Variants in WDR7 observed in about 807,000 individuals in gnomAD.
WDR7 encodes the protein WD repeat-containing protein 7.
In WDR7, 46 loss-of-function variants were observed where a neutral mutation model predicts 169.4. That is an observed-to-expected ratio of 0.27 (90% confidence interval 0.21 to 0.35). The LOEUF is 0.35. Among genes scored for constraint, WDR7 ranks in the 10% least tolerant of loss-of-function variants. WDR7 has a pLI of 1.00. For synonymous variants in WDR7, 612 were observed against 666.8 expected, an observed-to-expected ratio of 0.92 and a Z score of 1.27; for missense variants, 1,534 against 1,859.3, an observed-to-expected ratio of 0.83 and a Z score of 3.22.
At chr18:56,786,241 A>C (rs1405121221) in intron 19 of WDR7, among the ~76,000 whole-genome samples, 1 of 152,154 alleles carries the variant, frequency 6.6e-6, no homozygotes, top group African/African-American at 2.4e-5. Context: ...TTATAAGAAT[A>C]AAGTCCTTAC....
At chr18:56,984,847 C>T (rs368817727) in intron 26 of WDR7, among the ~76,000 whole-genome samples, 1 of 152,082 alleles carries the variant, frequency 6.6e-6, no homozygotes, top group African/African-American at 2.4e-5. Flanking sequence ...GCAGCCATAG[C>T]GTACTGTGGG....
chr18:56,655,993 G>A (rs1407039130), intron 1 of WDR7, among the ~76,000 whole-genome samples: 1 of 152,186 alleles, frequency 6.6e-6, no homozygotes, highest in Non-Finnish European at 1.5e-5. Flanking sequence ...CCATTCACCT[G>A]CATATCTGGG....
chr18:56,664,361 G>A (rs1039094281), intron 1 of WDR7, among the ~76,000 whole-genome samples: 4 of 152,162 alleles, frequency 2.6e-5, no homozygotes, highest in Admixed American at 6.5e-5. Flanking sequence ...GAGGGAGAGA[G>A]ATTGTTAGGG....
chr18:56,654,955 A>G (rs949426800), intron 1 of WDR7, among the ~76,000 whole-genome samples: 5 of 152,170 alleles, frequency 3.3e-5, no homozygotes, highest in African/African-American at 9.7e-5. Context: ...TTAAGTGCTC[A>G]TATATACTCT....
At chr18:56,817,182 T>C (rs1490821658) in intron 20 of WDR7, among the ~76,000 whole-genome samples, 3 of 151,854 alleles carry the variant, frequency 2.0e-5, no homozygotes, top group Middle Eastern at 6.8e-3. Context: ...CCGTCTCTAC[T>C]AAAAATACAA....
chr18:56,695,267 GT>G (rs1568142207), intron 11 of WDR7, 69 bp downstream of exon 11: 2 of 1,543,436 alleles, frequency 1.3e-6, no homozygotes, highest in Non-Finnish European at 1.7e-6. Flanking sequence ...AAATGTCTCT[GT>G]TTTTTGTTTT....
intron 26 of WDR7, among the ~76,000 whole-genome samples, chr18:56,968,358 AAAAC>A (rs1273998645): frequency 6.6e-6 from 1 of 152,182 alleles, no homozygotes; most frequent in Non-Finnish European, 1.5e-5. Context: ...ATGGTAAACC[AAAAC>A]AAACTGTGCT....
At chr18:56,745,568 A>G (rs114149387) in intron 14 of WDR7, among the ~76,000 whole-genome samples, 5,312 of 152,168 alleles carry the variant, frequency 0.035, 320 homozygotes, top group African/African-American at 0.12. Flanking sequence ...AGCTAATGCC[A>G]CTGCTGATAT....
chr18:56,909,474 T>G (rs2046524343), intron 21 of WDR7, among the ~76,000 whole-genome samples: 1 of 152,186 alleles, frequency 6.6e-6, no homozygotes, highest in Non-Finnish European at 1.5e-5. Context: ...GACATGAAAT[T>G]ATTATAGAAA....
At chr18:56,773,974 T>C (rs1286204624) in intron 16 of WDR7, among the ~76,000 whole-genome samples, 1 of 150,718 alleles carries the variant, frequency 6.6e-6, no homozygotes, top group African/African-American at 2.4e-5. Flanking sequence ...GGACTCATCA[T>C]TAAATAATTG....
chr18:56,902,987 C>T (rs1407894808), intron 21 of WDR7, among the ~76,000 whole-genome samples: 1 of 152,216 alleles, frequency 6.6e-6, no homozygotes, highest in Non-Finnish European at 1.5e-5. Context: ...CCTCCTGACA[C>T]ACCACCCAGT....
chr18:57,017,520 T>TGA lies in WDR7; in HGVS notation c.4165-3224_4165-3223dup, dbSNP rs1249913253. On this transcript the variant is annotated intron_variant, in intron 26 of 27. Transcript: ENST00000254442. ...GTGTGTGTGTGTGTGTGTGTGTGTG[T>TGA]GATGTTCTGATCCAAGATGTAGTCC... Among the ~76,000 whole-genome samples the TGA allele has an allele frequency of 5.0e-5, 7 of 141,044 alleles. No homozygotes were observed. The South Asian group carries it at 7.1e-4, about 14-fold the overall frequency. 92.5% of individuals were successfully genotyped at this position (141,044 alleles called of 152,430 possible). A position where few individuals can be genotyped will look rare whatever the true frequency, so the allele number is the denominator to read the frequency against.
chr18:56,868,280 A>C lies in WDR7; in HGVS notation c.3305-11664A>C, dbSNP rs7241968. Among the ~76,000 whole-genome samples, 331 of 152,294 alleles carry C rather than the reference A, an allele frequency of 2.2e-3. 3 individuals carry two copies. The highest frequency in any genetic ancestry group is 7.7e-3 in the African/African-American group (320 of 41,584). ...TTTATTATTGCGATATAATTTAAAA[A>C]AATGAATACTACAGATACTCCTTAT... is the stretch of plus-strand genomic sequence containing the variant. On this transcript the variant is annotated intron_variant, in intron 20 of 27. Transcript: ENST00000254442.
chr18:56,953,562 G>T (rs946290692), intron 25 of WDR7, among the ~76,000 whole-genome samples: 1 of 152,222 alleles, frequency 6.6e-6, no homozygotes, highest in African/African-American at 2.4e-5. Context: ...GTGCTATGCT[G>T]GGCCTGTCAG....
chr18:56,741,121 C>T (rs970767412), intron 14 of WDR7, among the ~76,000 whole-genome samples: 1 of 151,950 alleles, frequency 6.6e-6, no homozygotes, highest in Non-Finnish European at 1.5e-5. Flanking sequence ...TCAATAGGGC[C>T]CTTGAGCTAT....
intron 21 of WDR7, among the ~76,000 whole-genome samples, chr18:56,893,559 T>C (rs1481828795): frequency 2.0e-5 from 3 of 152,198 alleles, no homozygotes; most frequent in South Asian, 2.1e-4. Context: ...TCCAAGTCTA[T>C]TTTGTTTCTT....
At chr18:56,781,063 T>C (rs1269222171) in intron 18 of WDR7, among the ~76,000 whole-genome samples, 1 of 152,136 alleles carries the variant, frequency 6.6e-6, no homozygotes, top group African/African-American at 2.4e-5. Context: ...AACTTATACG[T>C]ATTTGTTTGT....
intron 19 of WDR7, among the ~76,000 whole-genome samples, chr18:56,804,268 A>G (rs1230353945): frequency 6.6e-6 from 1 of 152,238 alleles, no homozygotes; most frequent in Non-Finnish European, 1.5e-5. Context: ...CATAATCTTG[A>G]AACACACAAT....
intron 13 of WDR7, 38 bp downstream of exon 13, chr18:56,718,197 A>G: frequency 7.0e-7 from 1 of 1,434,372 alleles, no homozygotes; most frequent in Non-Finnish European, 9.2e-7. Context: ...AGAAAATTAA[A>G]TGGGTGTATT....
Sources: allele counts gnomAD v4.1 joint callset (sites outside exome capture counted in the v4.1 genomes callset), GRCh38; gene constraint gnomAD v4.1.1; transcripts MANE v1.5; gene names NCBI Gene and HGNC (gene_info 2026-07-23, HGNC 2026-07-21).